The following DIP2C variants were observed in gnomAD, a reference collection of about 807,000 sequenced individuals.
DIP2C encodes DIP2 acetate--CoA ligase C (putative), also known as disco-interacting protein 2 homolog C.
A neutral mutation model predicts 192.4 loss-of-function variants in DIP2C; 33 were observed. That is an observed-to-expected ratio of 0.17 (90% CI 0.13 to 0.23). DIP2C has a LOEUF of 0.23. DIP2C is among the 10% of genes least tolerant of loss of function. DIP2C has a pLI of 1.00. For missense variants in DIP2C, 1,537 were observed against 2,110.1 expected, an observed-to-expected ratio of 0.73 and a Z score of 5.32; for synonymous variants, 979 against 864.1, an observed-to-expected ratio of 1.13 and a Z score of -2.33.
chr10:277,170 G>T lies in DIP2C; in HGVS notation c.*155C>A. Reference sequence around the variant, plus strand: ...TTTCACCCCCATGCCAATCGTGGCTGCTGTGAGAAGTCCTCTTCCTCCTCC... The same window carrying T: ...TTTCACCCCCATGCCAATCGTGGCTTCTGTGAGAAGTCCTCTTCCTCCTCC... On this transcript the variant is annotated 3_prime_UTR_variant, in exon 37 of 37. Coordinates refer to ENST00000280886, the MANE Select transcript of DIP2C (RefSeq NM_014974.3). 1 of 1,119,542 alleles carries T rather than the reference G, an allele frequency of 8.9e-7. No individual in the cohort carries two copies. Among genetic ancestry groups the T allele is most frequent in the Non-Finnish European group, 1.2e-6 (1 of 800,740 alleles). 69.4% of individuals were successfully genotyped at this position (1,119,542 alleles called of 1,614,324 possible). A position where few individuals can be genotyped will look rare whatever the true frequency, so the allele number is the denominator to read the frequency against.
At chr10:494,314 T>C (rs943933919) in intron 1 of DIP2C, among the ~76,000 whole-genome samples, 19 of 152,314 alleles carry the variant, frequency 1.2e-4, no homozygotes, top group African/African-American at 2.2e-4. Context: ...CAGAGCTCCA[T>C]GGTCACTGTG....
Position 637,306 on chromosome 10 carries a change from G to A in DIP2C, c.85+52188C>T, listed in dbSNP as rs576035591. 2.3e-4 allele frequency among the ~76,000 whole-genome samples: 34 copies of A among 147,492 alleles called. No individual in the cohort carries two copies. The South Asian group carries it at 4.1e-3, about 18-fold the overall frequency. On this transcript the variant is annotated intron_variant, in intron 1 of 36. Transcript: ENST00000280886. ...TGTAACAACACACCATAGGCTGGGC[G>A]GGGACTGACAAACAACAGAAAATTC...
intron 1 of DIP2C, among the ~76,000 whole-genome samples, chr10:548,210 C>CT (rs1554897785): frequency 9.7e-6 from 1 of 103,540 alleles, no homozygotes; most frequent in African/African-American, 3.4e-5. Context: ...TCTGCCCCAC[C>CT]CCCCCCCCCA....
chr10:310,280 A>G (rs1038529620), intron 31 of DIP2C, among the ~76,000 whole-genome samples, 188 bp from the exon 32 acceptor site: 3 of 152,260 alleles, frequency 2.0e-5, no homozygotes, highest in East Asian at 1.9e-4. Flanking sequence ...TCCAGAAGGA[A>G]TATCTTATTA....
intron 32 of DIP2C, among the ~76,000 whole-genome samples, chr10:303,072 C>T (rs893304285): frequency 6.6e-6 from 1 of 152,092 alleles, no homozygotes; most frequent in Middle Eastern, 3.2e-3. Flanking sequence ...TTGTAAACAC[C>T]GTACTTGTAA....
chr10:596,119 C>T (rs370180534), intron 1 of DIP2C, among the ~76,000 whole-genome samples: 8 of 152,180 alleles, frequency 5.3e-5, no homozygotes, highest in African/African-American at 1.9e-4. Flanking sequence ...TAAAGATTCA[C>T]GCGAGAAGTG....
intron 2 of DIP2C, among the ~76,000 whole-genome samples, chr10:477,986 AGAG>A (rs1231988499): frequency 3.3e-5 from 2 of 60,598 alleles, no homozygotes; most frequent in African/African-American, 1.4e-4. Context: ...AGAAAGTAGA[AGAG>A]AAGATAGAAG....
At chr10:505,598 T>TG (rs1845544987) in intron 1 of DIP2C, among the ~76,000 whole-genome samples, 1 of 150,598 alleles carries the variant, frequency 6.6e-6, no homozygotes. Context: ...CCACAGGAGA[T>TG]GGGGACCACC....
rs1475347705 is a variant in DIP2C, at chr10:283,203, T to C, written c.4294+69A>G. 7.1e-6 allele frequency: 11 copies of C among 1,552,224 alleles called. No homozygotes were observed. The East Asian group carries it at 2.5e-4, about 35-fold the overall frequency. ...GGCTGCTGTAAACCTTGGGAAAGGC[T>C]TCTGTATCTACAGGAGCCTAACCTC... On this transcript the variant is annotated intron_variant, in intron 35 of 36. Transcript: ENST00000280886.
At chr10:380,025 A>G (rs764876221) in intron 17 of DIP2C, among the ~76,000 whole-genome samples, 343 of 110,996 alleles carry the variant, frequency 3.1e-3, no homozygotes, top group Middle Eastern at 0.02. Context: ...TGGTTAACGC[A>G]CAGAAGAGGC....
intron 1 of DIP2C, among the ~76,000 whole-genome samples, chr10:643,994 C>T (rs917930014): frequency 6.6e-6 from 1 of 152,246 alleles, no homozygotes; most frequent in African/African-American, 2.4e-5. Context: ...CAGTTCTGTT[C>T]ATTCTGCAGT....
intron 7 of DIP2C, among the ~76,000 whole-genome samples, chr10:415,182 T>TC (rs1268878843): frequency 6.6e-6 from 1 of 152,132 alleles, no homozygotes; most frequent in East Asian, 1.9e-4. Context: ...GGAAATTATC[T>TC]CTTCCATTTC....
intron 4 of DIP2C, among the ~76,000 whole-genome samples, chr10:425,353 T>G (rs1241767569): frequency 8.2e-6 from 1 of 121,966 alleles, no homozygotes; most frequent in African/African-American, 3.4e-5. Flanking sequence ...TGACCAGCGG[T>G]GACTAATATG....
intron 1 of DIP2C, among the ~76,000 whole-genome samples, chr10:506,161 T>C (rs1280740183): frequency 6.6e-6 from 1 of 152,142 alleles, no homozygotes; most frequent in African/African-American, 2.4e-5. Context: ...AAGACACATT[T>C]AAATAACCTT....
chr10:580,420 CACAGGTACAT>C, intron 1 of DIP2C, among the ~76,000 whole-genome samples: 1 of 152,226 alleles, frequency 6.6e-6, no homozygotes, highest in Middle Eastern at 3.4e-3. Context: ...GGTGTATGTA[CACAGGTACAT>C]ATATGGCGTT....
intron 1 of DIP2C, among the ~76,000 whole-genome samples, chr10:521,966 G>A (rs1318515092): frequency 1.3e-5 from 2 of 151,770 alleles, no homozygotes; most frequent in African/African-American, 4.8e-5. Flanking sequence ...CTCACACGAG[G>A]TCTCAGCCTG....
intron 1 of DIP2C, among the ~76,000 whole-genome samples, chr10:532,758 TGAGAGAGTATGGGTGTGTGA>T (rs1847487546): frequency 1.0e-5 from 1 of 99,876 alleles, no homozygotes; most frequent in Non-Finnish European, 2.4e-5. Context: ...TATGGGTGTG[TGAGAGAGTATGGGTGTGTGA>T]GAGAGTATGG....
rs141533188 is a variant in DIP2C at position 290,879 on chromosome 10, C to T, written c.3987-2458G>A. ...TACTTTAGGACGTTTGAGATCCTGT[C>T]GCTGGCCGGAATCAGATGCACCTGG... On this transcript the variant is annotated intron_variant, in intron 32 of 36. Coordinates refer to ENST00000280886, the MANE Select transcript of DIP2C (RefSeq NM_014974.3). Among the ~76,000 whole-genome samples, 997 of 152,344 alleles carry T rather than the reference C, an allele frequency of 6.5e-3. 4 individuals carry two copies. Among genetic ancestry groups the T allele is most frequent in the Non-Finnish European group, 0.011 (749 of 68,036 alleles).
intron 32 of DIP2C, among the ~76,000 whole-genome samples, chr10:291,665 G>C (rs929612012): frequency 1.3e-5 from 2 of 152,188 alleles, no homozygotes; most frequent in African/African-American, 4.8e-5. Flanking sequence ...TTAAGACCCG[G>C]GTCAAAGTGT....
Sources: gnomAD v4.1 joint callset for allele counts (sites outside exome capture counted in the v4.1 genomes callset) on GRCh38, gnomAD v4.1.1 for gene constraint, MANE v1.5 for transcripts, NCBI Gene and HGNC (gene_info 2026-07-23, HGNC 2026-07-21) for gene names.